The following KLRG1 variants were observed in gnomAD, a reference collection of about 807,000 sequenced individuals.
KLRG1 encodes killer cell lectin like receptor G1.
Under a neutral mutation model 21.8 loss-of-function variants are expected in KLRG1, and 16 were observed. The ratio of observed to expected loss-of-function variants is 0.73; its 90% CI spans 0.50 to 1.11. KLRG1 has a LOEUF of 1.11. Among genes scored for constraint, KLRG1 ranks in the 50% most tolerant of loss-of-function variants. The probability of loss-of-function intolerance (pLI) is 0.00; values close to 1 mark genes in which losing one functional copy is unlikely to be tolerated. For missense variants in KLRG1, 173 were observed against 218.3 expected, an observed-to-expected ratio of 0.79 and a Z score of 1.31; for synonymous variants, 69 against 75.9, an observed-to-expected ratio of 0.91 and a Z score of 0.47.
intron 3 of KLRG1, among the ~76,000 whole-genome samples, chr12:9,000,101 C>T (rs1947261480): frequency 6.6e-6 from 1 of 152,132 alleles, no homozygotes; most frequent in African/African-American, 2.4e-5. Flanking sequence ...CTTTGCTCTT[C>T]TGTGTCCCAA....
the KLRG1 span, among the ~76,000 whole-genome samples, chr12:9,044,342 A>C: frequency 6.6e-6 from 1 of 152,196 alleles, no homozygotes; most frequent in African/African-American, 2.4e-5. Context: ...AAGTTTAAAC[A>C]ATCAAAAAAT....
chr12:9,134,169 A>G, the KLRG1 span, among the ~76,000 whole-genome samples: 1 of 152,182 alleles, frequency 6.6e-6, no homozygotes, highest in Non-Finnish European at 1.5e-5. Flanking sequence ...CTATCATGGC[A>G]GAATTGCAGA....
the KLRG1 span, chr12:9,165,392 C>A: frequency 6.2e-7 from 1 of 1,612,756 alleles, no homozygotes; most frequent in South Asian, 1.1e-5. Flanking sequence ...AAGTGAAGAA[C>A]AGAAATAATG....
chr12:9,017,662 G>A, the KLRG1 span, among the ~76,000 whole-genome samples: 9 of 152,236 alleles, frequency 5.9e-5, no homozygotes, highest in South Asian at 8.3e-4. Context: ...AGTATTATAC[G>A]TAATGGGGAA....
At chr12:9,014,695 CACAG>C (rs1947675767), downstream of KLRG1, among the ~76,000 whole-genome samples, 2 of 151,800 alleles carry the variant, frequency 1.3e-5, no homozygotes, top group African/African-American at 2.4e-5. Flanking sequence ...ATAGTAAGTA[CACAG>C]ACAAACAGAA....
the KLRG1 span, chr12:9,113,665 G>A: frequency 9.8e-7 from 1 of 1,022,482 alleles, no homozygotes; most frequent in Admixed American, 2.5e-5. Context: ...ATGTACTGAT[G>A]AGCATGAAAT....
the KLRG1 span, chr12:9,067,110 A>G: frequency 6.6e-6 from 1 of 152,516 alleles, no homozygotes; most frequent in East Asian, 1.9e-4. Context: ...GCTATCCTTT[A>G]ATCCTGGCTC....
At chr12:9,160,316 G>T in the KLRG1 span, 1 of 1,609,210 alleles carries the variant, frequency 6.2e-7, no homozygotes, top group East Asian at 2.2e-5. Flanking sequence ...TCACTTACCA[G>T]TGATGAGATA....
At chr12:9,150,702 G>A in the KLRG1 span, 1 of 1,613,124 alleles carries the variant, frequency 6.2e-7, no homozygotes, top group South Asian at 1.1e-5. Context: ...CTACTGGGAT[G>A]TCTTGCAGAA....
At chr12:9,202,594 G>A in the KLRG1 span, 1 of 1,614,116 alleles carries the variant, frequency 6.2e-7, no homozygotes, top group Non-Finnish European at 8.5e-7. Flanking sequence ...TTCAGTACCA[G>A]AACTGTGTTC....
the KLRG1 span, among the ~76,000 whole-genome samples, chr12:9,051,961 C>A: frequency 3.3e-5 from 5 of 152,172 alleles, no homozygotes; most frequent in Non-Finnish European, 5.9e-5. Flanking sequence ...CCACCAAATA[C>A]AGCACTATGC....
chr12:9,009,935 G>C lies in KLRG1; in HGVS notation c.*398G>C. On this transcript the variant is annotated 3_prime_UTR_variant, in exon 5 of 5. Coordinates refer to ENST00000356986, the MANE Select transcript of KLRG1 (RefSeq NM_005810.4). ...ATACTATTGCTTGTGTACTAGAGAA[G>C]TACATTATTGCTGTACTCCTCTGTA... 2 of 1,523,986 alleles carry C rather than the reference G, an allele frequency of 1.3e-6. No homozygotes were observed. Among genetic ancestry groups the C allele is most frequent in the Non-Finnish European group, 1.8e-6 (2 of 1,137,434 alleles). 94.4% of individuals were successfully genotyped at this position (1,523,986 alleles called of 1,614,324 possible).
the KLRG1 span, among the ~76,000 whole-genome samples, chr12:9,016,474 A>T: frequency 3.3e-5 from 5 of 152,162 alleles, no homozygotes; most frequent in African/African-American, 1.2e-4. Context: ...TCAAAACTTG[A>T]GCAGACCAAT....
chr12:9,139,035 T>A, the KLRG1 span, among the ~76,000 whole-genome samples: 1 of 152,068 alleles, frequency 6.6e-6, no homozygotes, highest in Non-Finnish European at 1.5e-5. Flanking sequence ...TTATTTTAGA[T>A]CTTTGTTCTT....
chr12:9,192,058 A>T, the KLRG1 span: 1 of 706,172 alleles, frequency 1.4e-6, no homozygotes, highest in East Asian at 2.7e-5. Context: ...AAAGAGTCAT[A>T]AGACGAGTAT....
intron 3 of KLRG1, among the ~76,000 whole-genome samples, chr12:9,004,864 A>AT: frequency 6.6e-6 from 1 of 152,288 alleles, no homozygotes; most frequent in African/African-American, 2.4e-5. Context: ...TAATGTTTAC[A>AT]TTTTATTTAT....
chr12:9,060,044 G>A, the KLRG1 span, among the ~76,000 whole-genome samples: 307 of 114,640 alleles, frequency 2.7e-3, 1 homozygote, highest in African/African-American at 0.01. Flanking sequence ...TCGCTCTGTC[G>A]CCCAGGCTGG....
intron 1 of KLRG1, among the ~76,000 whole-genome samples, chr12:8,952,094 T>C (rs1224889973): frequency 5.3e-5 from 8 of 152,212 alleles, no homozygotes. Context: ...TTTGTTTGTT[T>C]GCATTTCTGG....
At chr12:9,106,973 C>T in the KLRG1 span, among the ~76,000 whole-genome samples, 1 of 152,114 alleles carries the variant, frequency 6.6e-6, no homozygotes. Context: ...ATTTAGGGTG[C>T]CTACCAACTC....
Sources: allele counts gnomAD v4.1 joint callset (sites outside exome capture counted in the v4.1 genomes callset), GRCh38; gene constraint gnomAD v4.1.1; transcripts MANE v1.5; gene names NCBI Gene and HGNC (gene_info 2026-07-23, HGNC 2026-07-21).